EPN2: variants seen among roughly 807,000 people sequenced by gnomAD.
EPN2 encodes the protein epsin 2, also known as epsin-2.
A neutral mutation model predicts 61.7 loss-of-function variants in EPN2; 34 were observed. That is an observed-to-expected ratio of 0.55 (90% CI 0.42 to 0.73). EPN2 has a LOEUF of 0.73. Among genes scored for constraint, EPN2 ranks in the 30% least tolerant of loss-of-function variants. EPN2 has a pLI of 0.00. For missense variants in EPN2, 714 were observed against 839.2 expected, an observed-to-expected ratio of 0.85 and a Z score of 1.84; for synonymous variants, 349 against 353.6, an observed-to-expected ratio of 0.99 and a Z score of 0.15.
At chr17:19,273,648 G>A (rs2045277897) in intron 1 of EPN2, among the ~76,000 whole-genome samples, 1 of 152,142 alleles carries the variant, frequency 6.6e-6, no homozygotes, top group African/African-American at 2.4e-5. Flanking sequence ...CAAGTGTGTA[G>A]CACCCTGCCC....
intron 4 of EPN2, among the ~76,000 whole-genome samples, chr17:19,287,932 C>G (rs1448800167): frequency 6.6e-6 from 1 of 152,220 alleles, no homozygotes; most frequent in Non-Finnish European, 1.5e-5. Context: ...CCTTGGAAGT[C>G]TCTTGAATTG....
chr17:19,310,111 G>A, intron 5 of EPN2, 114 bp downstream of exon 5: 1 of 734,008 alleles, frequency 1.4e-6, no homozygotes, highest in Non-Finnish European at 2.4e-6. Context: ...TTTCAGATAT[G>A]CTTGCTGAGA....
chr17:19,326,135 T>A (rs1235370322), intron 7 of EPN2, among the ~76,000 whole-genome samples: 1 of 152,182 alleles, frequency 6.6e-6, no homozygotes, highest in Non-Finnish European at 1.5e-5. Flanking sequence ...AATGCAGAGA[T>A]ACCATGTGAT....
rs1170881318 is a variant in EPN2, at chr17:19,245,483, GC to G, written c.-294+7953del. 6.0e-3 allele frequency among the ~76,000 whole-genome samples: 849 copies of G among 140,494 alleles called. 11 individuals are homozygous for G. The highest frequency in any genetic ancestry group is 0.024 in the African/African-American group (800 of 33,596). 92.2% of individuals were successfully genotyped at this position (140,494 alleles called of 152,430 possible). On this transcript the variant is annotated intron_variant, in intron 1 of 10. Transcript: ENST00000314728. ...GCTGGAGTGCAGTGGCGGGATCTCA[GC>G]TCACTGCAGCGGCGGGATCTCAGCT...
At chr17:19,241,126 C>T (rs1308781857) in intron 1 of EPN2, among the ~76,000 whole-genome samples, 4 of 152,082 alleles carry the variant, frequency 2.6e-5, no homozygotes, top group Non-Finnish European at 4.4e-5. Context: ...TTACCTACTT[C>T]GAGGACCAAG....
chr17:19,256,216 C>T (rs1284367127), intron 1 of EPN2, among the ~76,000 whole-genome samples: 2 of 152,032 alleles, frequency 1.3e-5, no homozygotes, highest in Admixed American at 6.5e-5. Flanking sequence ...GGATTACAGG[C>T]ATGAGCCACC....
At chr17:19,253,812 T>C (rs1278295205) in intron 1 of EPN2, among the ~76,000 whole-genome samples, 2 of 152,218 alleles carry the variant, frequency 1.3e-5, no homozygotes, top group Non-Finnish European at 2.9e-5. Context: ...GATCTGCTCT[T>C]GACTCTATTT....
At chr17:19,274,350 G>C (rs891056093) in intron 1 of EPN2, 4 of 152,184 alleles carry the variant, frequency 2.6e-5, no homozygotes, top group African/African-American at 9.7e-5. Flanking sequence ...AGCATTCTCT[G>C]TCATCTGCTT....
In EPN2 at chr17:19,285,662, C is replaced by T. The variant is rs753313630; in HGVS notation, c.638C>T (p.Pro213Leu). The change falls in exon 4 of 11, where the codon CCG becomes CTG. Residue 213 changes from proline (P) to leucine (L), a missense_variant. Physicochemically the swap from Pro to Leu is moderately conservative, Grantham distance 98. Transcript: ENST00000314728. This position sits in a 1 kb window ranked among gnomAD's most constrained non-coding sequence, Gnocchi z 4.5. ...TGCCCCCAGCACCGCACAGGGGCCC[C>T]GCTGGGTCAGAGTGAGGAGCTGCAG... ...SLCPQHRTGA[P>L]LGQSEELQPL... is the part of the protein sequence containing the mutation. 6.4e-6 allele frequency: 10 copies of T among 1,570,392 alleles called. No individual in the cohort carries two copies. Among genetic ancestry groups the T allele is most frequent in the South Asian group, 1.2e-5 (1 of 85,662 alleles).
At chr17:19,250,968 G>T (rs925488085) in intron 1 of EPN2, among the ~76,000 whole-genome samples, 4 of 151,822 alleles carry the variant, frequency 2.6e-5, no homozygotes, top group Non-Finnish European at 5.9e-5. Context: ...TCTACATTCT[G>T]CAGCATCTCT....
At chr17:19,312,746 C>T (rs1291796083) in intron 6 of EPN2, among the ~76,000 whole-genome samples, 3 of 152,138 alleles carry the variant, frequency 2.0e-5, no homozygotes, top group South Asian at 2.1e-4. Context: ...TGCAGGTGCC[C>T]GAGGAGGAGG....
At chr17:19,316,083 A>G (rs185613775) in intron 7 of EPN2, among the ~76,000 whole-genome samples, 6 of 152,314 alleles carry the variant, frequency 3.9e-5, no homozygotes, top group African/African-American at 1.4e-4. Context: ...CTTTCTGTGG[A>G]TGAATAATAT....
chr17:19,332,118 G>C (rs768171035), intron 10 of EPN2, 50 bp downstream of exon 10: 18 of 1,445,702 alleles, frequency 1.2e-5, no homozygotes, highest in Middle Eastern at 3.7e-4. Context: ...CCTGGGAATG[G>C]GTGTGCAGCA....
In EPN2 at chr17:19,285,640, C is replaced by T; in HGVS notation, c.616C>T (p.Pro206Ser). The change falls in exon 4 of 11, where the codon CCC becomes TCC. Residue 206 changes from proline (P) to serine (S), a missense_variant. Pro to Ser is a moderately conservative substitution (Grantham distance 74). Transcript: ENST00000314728. The surrounding 1 kb of genome is among the most constrained non-coding windows in gnomAD (Gnocchi z 4.5). ...CACAGCGCCTGAGGCCTCGCTGTGC[C>T]CCCAGCACCGCACAGGGGCCCCGCT... is the stretch of plus-strand genomic sequence containing the variant. The part of the protein sequence containing the change: ...YHGSPEASLC[P>S]QHRTGAPLGQ... 1 of 1,561,216 alleles carries T rather than the reference C, an allele frequency of 6.4e-7. No individual in the cohort carries two copies. Among genetic ancestry groups the T allele is most frequent in the South Asian group, 1.2e-5 (1 of 84,724 alleles).
At chr17:19,259,106 T>C (rs1190804553) in intron 1 of EPN2, among the ~76,000 whole-genome samples, 2 of 152,226 alleles carry the variant, frequency 1.3e-5, no homozygotes, top group Non-Finnish European at 2.9e-5. Context: ...AAATTCATTA[T>C]ATAACATAGC....
intron 8 of EPN2, chr17:19,329,147 C>G (rs950971950): frequency 2.3e-5 from 11 of 484,922 alleles, no homozygotes; most frequent in Non-Finnish European, 4.0e-5. Flanking sequence ...GAAGACTGCC[C>G]TGGGCCCACA....
At chr17:19,293,534 CTTTTTTT>C (rs71155390) in intron 4 of EPN2, among the ~76,000 whole-genome samples, 1 of 52,432 alleles carries the variant, frequency 1.9e-5, no homozygotes, top group Non-Finnish European at 3.4e-5. Flanking sequence ...CCATACCCAG[CTTTTTTT>C]TTTTTTTTTT....
rs759816484 is a variant in EPN2 at position 19,285,737 on chromosome 17, G to C, written c.713G>C (p.Arg238Pro). The C allele has an allele frequency of 6.2e-7, 1 of 1,608,220 alleles. No homozygotes were observed. ...PFLPHLGLAS[R>P]PNGDWSQPCL... is the part of the protein sequence containing the mutation. The stretch of plus-strand genomic sequence containing the variant: ...CTGCCGCACCTGGGGCTGGCCTCCC[G>C]CCCAAATGGCGACTGGTCCCAGCCC... The change falls in exon 4 of 11, where the codon CGC becomes CCC. Residue 238 changes from arginine to proline, a missense_variant. Arg to Pro is a moderately radical substitution (Grantham distance 103). Transcript: ENST00000314728. The surrounding 1 kb of genome is among the most constrained non-coding windows in gnomAD (Gnocchi z 4.5).
chr17:19,295,842 A>G (rs1598003462), intron 4 of EPN2, among the ~76,000 whole-genome samples: 1 of 152,292 alleles, frequency 6.6e-6, no homozygotes, highest in Admixed American at 6.5e-5. Context: ...CACTGACAGC[A>G]GTGTGCTGGG....
Sources: gnomAD v4.1 joint callset for allele counts (sites outside exome capture counted in the v4.1 genomes callset) on GRCh38, gnomAD v4.1.1 for gene constraint, Gnocchi (gnomAD v3.1) non-coding constraint, MANE v1.5 for transcripts, NCBI Gene and HGNC (gene_info 2026-07-23, HGNC 2026-07-21) for gene names.